PPID: variants seen among roughly 807,000 people sequenced by gnomAD.
PPID encodes the protein peptidyl-prolyl cis-trans isomerase D.
PPID carries 47 observed loss-of-function variants against 48.1 expected under a neutral mutation model. The ratio of observed to expected loss-of-function variants is 0.98; its 90% CI spans 0.77 to 1.25. The LOEUF is 1.25. Ranked by LOEUF, PPID falls within the 50% of genes most tolerant of loss-of-function variation. PPID has a pLI of 0.00. For synonymous variants in PPID, 163 were observed against 148.8 expected, an observed-to-expected ratio of 1.10 and a Z score of -0.69; for missense variants, 429 against 443.5, an observed-to-expected ratio of 0.97 and a Z score of 0.29.
At position 158,715,321 on chromosome 4, in the gene PPID, AT is replaced by A. The variant is rs1189563237; in HGVS notation, c.727del (p.Ile243LeufsTer8). 1 of 1,525,576 alleles carries A rather than the reference AT, an allele frequency of 6.6e-7. No individual in the cohort carries two copies. Among genetic ancestry groups the A allele is most frequent in the African/African-American group, 1.4e-5 (1 of 71,416 alleles). The allele number at this position is 1,525,576 out of a possible 1,614,324, so 94.5% of individuals were successfully genotyped here. A position where few individuals can be genotyped will look rare whatever the true frequency, so the allele number is the denominator to read the frequency against. ...FFKSQNWEMA[I>X]KKYAEVLRYV... ...CCTTAAAACTTCTGCATATTTTTTA[AT>A]AGCCATCTCCCAGTTCTGGGATTTG... On this transcript the variant is annotated frameshift_variant, in exon 6 of 10. Transcript: ENST00000307720. LOFTEE classifies it high-confidence loss of function.
chr4:158,718,526 CCTTTCATTT>C (rs1774906593), intron 3 of PPID, among the ~76,000 whole-genome samples: 3 of 152,182 alleles, frequency 2.0e-5, no homozygotes, highest in Non-Finnish European at 4.4e-5. Flanking sequence ...GTCATCAAGG[CCTTTCATTT>C]TTATAAACCC....
chr4:158,710,649 CCT>C lies in PPID; in HGVS notation c.1001_1002del (p.Gln334ArgfsTer7), dbSNP rs1473272254. The C allele has an allele frequency of 6.2e-7, 1 of 1,613,836 alleles. No homozygotes were observed. Among genetic ancestry groups the C allele is most frequent in the South Asian group, 1.1e-5 (1 of 91,062 alleles). The part of the protein sequence containing the change: ...DQALADLKKA[Q>X]GIAPEDKAIQ... The stretch of plus-strand genomic sequence containing the variant: ...TTACCTTTATCTTCTGGTGCTATCC[CCT>C]GAGCTTTCTTAAGATCAGCCTTTAA... On this transcript the variant is annotated frameshift_variant, in exon 9 of 10. Transcript: ENST00000307720. LOFTEE classifies it high-confidence loss of function.
At chr4:158,722,751 G>A (rs565550473) in intron 1 of PPID, among the ~76,000 whole-genome samples, 1 of 152,308 alleles carries the variant, frequency 6.6e-6, no homozygotes, top group East Asian at 1.9e-4. Context: ...AAAGCAATGA[G>A]CAAACAAGTC....
chr4:158,710,829 G>T lies in PPID; in HGVS notation c.914C>A (p.Ser305Ter), dbSNP rs1411312747. Residue 305 changes from serine (S) to a stop codon, truncating the protein, a stop_gained, in exon 8 of 10, where the codon TCA becomes TAA. Transcript: ENST00000307720. LOFTEE classifies it high-confidence loss of function. ...TCTGCGGTACAATGCTTTGGTATTT[G>T]ATGGGTCTAGTTCAAGAGCCTACAA... is the stretch of plus-strand genomic sequence containing the variant. ...SCLEALELDP[S>*]NTKALYRRAQ... is the part of the protein sequence containing the mutation. The T allele has an allele frequency of 6.2e-6, 10 of 1,612,804 alleles. No individual in the cohort carries two copies. Among genetic ancestry groups the T allele is most frequent in the Non-Finnish European group, 8.5e-6 (10 of 1,178,832 alleles).
At position 158,717,000 on chromosome 4, in the gene PPID, CT is replaced by C. The variant is rs1184259539; in HGVS notation, c.522+11del. The C allele has an allele frequency of 1.2e-6, 2 of 1,601,712 alleles. No homozygotes were observed. The highest frequency in any genetic ancestry group is 2.2e-5 in the East Asian group (1 of 44,802). On this transcript the variant is annotated intron_variant, in intron 4 of 9. Coordinates refer to ENST00000307720, the MANE Select transcript of PPID (RefSeq NM_005038.3). ...AGATAATAAGTGTATTTCACTGTAA[CT>C]TTTTACTTACTTTAGCAGGTTTTTC...
Position 158,710,749 on chromosome 4 carries a change from G to C in PPID, c.981+13C>G, listed in dbSNP as rs1243816322. Reference sequence around the variant, plus strand: ...TCTATTTTAAAAAATTAAACATTTGGAACAAAATTTACCAATGCTTGATCA... The same window carrying C: ...TCTATTTTAAAAAATTAAACATTTGCAACAAAATTTACCAATGCTTGATCA... On this transcript the variant is annotated intron_variant, in intron 8 of 9. Coordinates refer to ENST00000307720, the MANE Select transcript of PPID (RefSeq NM_005038.3). 1 of 1,611,994 alleles carries C rather than the reference G, an allele frequency of 6.2e-7. No individual in the cohort carries two copies. Among genetic ancestry groups the C allele is most frequent in the East Asian group, 2.2e-5 (1 of 44,878 alleles).
At chr4:158,716,793 A>C (rs925608070) in intron 4 of PPID, among the ~76,000 whole-genome samples, 4 of 152,108 alleles carry the variant, frequency 2.6e-5, no homozygotes, top group African/African-American at 9.7e-5. Context: ...CCCCGTCTCT[A>C]TTAAAAATAC....
intron 2 of PPID, 37 bp from the exon 3 acceptor site, chr4:158,719,323 A>G (rs1774919131): frequency 7.4e-7 from 1 of 1,350,266 alleles, no homozygotes; most frequent in Non-Finnish European, 1.1e-6. Flanking sequence ...TGACTGAGAC[A>G]TGGATGCCTT....
rs1285722186 is a variant in PPID at position 158,723,251 on chromosome 4, G to C, written c.38C>G (p.Pro13Arg). 1 of 1,613,968 alleles carries C rather than the reference G, an allele frequency of 6.2e-7. No individual in the cohort carries two copies. Among genetic ancestry groups the C allele is most frequent in the Non-Finnish European group, 8.5e-7 (1 of 1,180,032 alleles). Residue 13 changes from proline (P) to arginine (R), a missense_variant, in exon 1 of 10, where the codon CCC becomes CGC. Physicochemically the swap from Pro to Arg is moderately radical, Grantham distance 103. Coordinates refer to ENST00000307720, the MANE Select transcript of PPID (RefSeq NM_005038.3). ...HPSPQAKPSN[P>R]SNPRVFFDVD... is the part of the protein sequence containing the mutation. Reference sequence around the variant, plus strand: ...GTCAAAGAAGACTCGAGGGTTACTGGGGTTGGAGGGCTTGGCTTGGGGGGA... The same window carrying C: ...GTCAAAGAAGACTCGAGGGTTACTGCGGTTGGAGGGCTTGGCTTGGGGGGA...
intron 6 of PPID, among the ~76,000 whole-genome samples, chr4:158,714,739 C>T (rs1023304703): frequency 5.3e-5 from 8 of 151,982 alleles, no homozygotes; most frequent in East Asian, 1.9e-4. Context: ...TACAGGCGTG[C>T]GCCACCAGCC....
intron 1 of PPID, among the ~76,000 whole-genome samples, chr4:158,722,647 A>G (rs1015419506): frequency 6.6e-6 from 1 of 152,266 alleles, no homozygotes; most frequent in Admixed American, 6.5e-5. Flanking sequence ...AGGCAACACC[A>G]TCACTACGTT....
intron 7 of PPID, among the ~76,000 whole-genome samples, chr4:158,712,101 T>C (rs915012317): frequency 2.0e-5 from 3 of 152,250 alleles, no homozygotes; most frequent in African/African-American, 4.8e-5. Context: ...GCTCTGAGCA[T>C]AGCTAGTCTA....
At chr4:158,722,482 T>C (rs1224205671) in intron 1 of PPID, among the ~76,000 whole-genome samples, 2 of 152,256 alleles carry the variant, frequency 1.3e-5, no homozygotes, top group African/African-American at 4.8e-5. Context: ...ACAAACTGAA[T>C]GTACGTGTAA....
At chr4:158,721,508 G>A in intron 1 of PPID, 25 bp from the exon 2 acceptor site, 1 of 1,608,568 alleles carries the variant, frequency 6.2e-7, no homozygotes, top group Non-Finnish European at 8.5e-7. Flanking sequence ...AATCTTGTCA[G>A]TATGCAAAAC....
At chr4:158,719,070 A>T (rs373376153) in intron 3 of PPID, 110 bp downstream of exon 3, 2 of 653,130 alleles carry the variant, frequency 3.1e-6, no homozygotes, top group African/African-American at 1.8e-5. Flanking sequence ...ATTACAAGAA[A>T]TGGAGAATCT....
chr4:158,709,952 C>T (rs1774755665), intron 9 of PPID, 128 bp from the exon 10 acceptor site: 1 of 662,830 alleles, frequency 1.5e-6, no homozygotes, highest in Non-Finnish European at 2.5e-6. Flanking sequence ...GCCCTAGTAA[C>T]AGAAAATCTG....
intron 1 of PPID, 92 bp from the exon 2 acceptor site, chr4:158,721,575 C>A: frequency 7.1e-7 from 1 of 1,400,368 alleles, no homozygotes. Flanking sequence ...GCAGATCAAT[C>A]ATGAATTACC....
In PPID at chr4:158,713,149, A is replaced by G. The variant is rs1774816709; in HGVS notation, c.864T>C (p.Asn288=). 4 of 1,614,092 alleles carry G rather than the reference A, an allele frequency of 2.5e-6. No homozygotes were observed. Among genetic ancestry groups the G allele is most frequent in the African/African-American group, 1.3e-5 (1 of 75,056 alleles). The change falls in exon 7 of 10, where the codon AAT becomes AAC. Residue 288 remains asparagine, a synonymous_variant. Coordinates refer to ENST00000307720, the MANE Select transcript of PPID (RefSeq NM_005038.3). ...NIGACKLKMS[N]WQGAIDSCLE... ...AACAACTGTCAATTGCTCCCTGCCA[A>G]TTTGACATCTTCAGTTTACAAGCAC...
rs1156809846 is a variant in PPID, at chr4:158,710,858, A to G, written c.895-10T>C. On this transcript the variant is annotated splice_polypyrimidine_tract_variant and intron_variant, in intron 7 of 9. Transcript: ENST00000307720. ...GGTCTAGTTCAAGAGCCTACAAAAA[A>G]GTATAAAGCTAGTATTTATATCAAA... 1.9e-6 allele frequency: 3 copies of G among 1,597,338 alleles called. No individual in the cohort carries two copies. The highest frequency in any genetic ancestry group is 1.7e-6 in the Non-Finnish European group (2 of 1,165,750).
Sources: allele counts gnomAD v4.1 joint callset (sites outside exome capture counted in the v4.1 genomes callset), GRCh38; gene constraint gnomAD v4.1.1; transcripts MANE v1.5; gene names NCBI Gene and HGNC (gene_info 2026-07-23, HGNC 2026-07-21).